The following KCNH1 variants were observed in gnomAD, a reference collection of about 807,000 sequenced individuals.
KCNH1 encodes the protein voltage-gated delayed rectifier potassium channel KCNH1.
In KCNH1, 27 loss-of-function variants were observed where a neutral mutation model predicts 69.2. The ratio of observed to expected loss-of-function variants is 0.39; its 90% CI spans 0.29 to 0.54. The LOEUF is 0.54. Ranked by LOEUF, KCNH1 falls within the 20% of genes least tolerant of loss-of-function variation. The pLI, the probability that KCNH1 is intolerant of heterozygous loss-of-function variation, is 0.68. For missense variants in KCNH1, 798 were observed against 1,261.6 expected, an observed-to-expected ratio of 0.63 and a Z score of 5.57; for synonymous variants, 456 against 487.7, an observed-to-expected ratio of 0.93 and a Z score of 0.86.
chr1:210,755,985 G>A lies in KCNH1; in HGVS notation c.2112+19363C>T, dbSNP rs575015606. On this transcript the variant is annotated intron_variant, in intron 10 of 10. Coordinates refer to ENST00000271751, the MANE Select transcript of KCNH1 (RefSeq NM_172362.3). ...TTCTGCTGCAAAAATGCTTGAAATC[G>A]TGACTTTACGAAAGGAGAGGTTGCC... Among the ~76,000 whole-genome samples the A allele has an allele frequency of 1.8e-4, 27 of 152,236 alleles. No individual in the cohort carries two copies. In the South Asian group the frequency reaches 2.9e-3, roughly 16 times the overall value.
chr1:210,784,068 C>G (rs1684045319), intron 9 of KCNH1, among the ~76,000 whole-genome samples: 1 of 152,154 alleles, frequency 6.6e-6, no homozygotes, highest in African/African-American at 2.4e-5. Flanking sequence ...ACTTTCCAGC[C>G]CAGCCCTGAC....
intron 6 of KCNH1, among the ~76,000 whole-genome samples, chr1:210,981,199 A>G (rs1688702550): frequency 6.6e-6 from 1 of 152,082 alleles, no homozygotes; most frequent in Non-Finnish European, 1.5e-5. Flanking sequence ...AGAGGGAAAA[A>G]GACACGGAGT....
At chr1:211,022,662 T>A (rs895467556) in intron 5 of KCNH1, among the ~76,000 whole-genome samples, 2 of 152,104 alleles carry the variant, frequency 1.3e-5, no homozygotes, top group Admixed American at 6.5e-5. Flanking sequence ...GAGGAAGTAA[T>A]CTGAATAGCT....
chr1:211,062,434 T>C (rs564448680), intron 5 of KCNH1, among the ~76,000 whole-genome samples: 2 of 152,188 alleles, frequency 1.3e-5, no homozygotes, highest in South Asian at 4.1e-4. Context: ...ACCACACAAG[T>C]ACAGGCAACC....
At chr1:210,935,979 G>T (rs181067208) in intron 6 of KCNH1, among the ~76,000 whole-genome samples, 48 of 152,250 alleles carry the variant, frequency 3.2e-4, no homozygotes, top group Admixed American at 1.3e-3. Context: ...GCTTTACATT[G>T]TCTTCTCATC....
chr1:210,944,307 A>G (rs1687921218), intron 6 of KCNH1, among the ~76,000 whole-genome samples: 1 of 152,220 alleles, frequency 6.6e-6, no homozygotes, highest in Non-Finnish European at 1.5e-5. Flanking sequence ...TATGAACAGT[A>G]ATTTAAATCC....
At chr1:210,754,993 T>C (rs949480706) in intron 10 of KCNH1, among the ~76,000 whole-genome samples, 2 of 152,086 alleles carry the variant, frequency 1.3e-5, no homozygotes, top group Non-Finnish European at 2.9e-5. Flanking sequence ...TGCATGCACA[T>C]GTACAAGTGC....
At chr1:210,984,648 T>A (rs548820765) in intron 6 of KCNH1, among the ~76,000 whole-genome samples, 65 of 152,288 alleles carry the variant, frequency 4.3e-4, no homozygotes, top group Middle Eastern at 3.4e-3. Context: ...TGGCTAAGCA[T>A]GGATAAGCTT....
At chr1:210,922,403 A>AC (rs749008831) in intron 6 of KCNH1, among the ~76,000 whole-genome samples, 6,222 of 41,822 alleles carry the variant, frequency 0.15, 420 homozygotes, top group East Asian at 0.3. Context: ...AAAAAAAAAA[A>AC]AAAAAAAAAA....
At chr1:210,772,794 A>G (rs961848652) in intron 10 of KCNH1, among the ~76,000 whole-genome samples, 1 of 152,100 alleles carries the variant, frequency 6.6e-6, no homozygotes, top group African/African-American at 2.4e-5. Context: ...AAGACTTTTT[A>G]TACTGTGCCA....
intron 9 of KCNH1, among the ~76,000 whole-genome samples, chr1:210,794,219 G>A (rs1684262936): frequency 6.6e-6 from 1 of 152,224 alleles, no homozygotes; most frequent in African/African-American, 2.4e-5. Context: ...CCAGAGCTCA[G>A]GTTGATTCAA....
At chr1:210,690,116 T>C (rs1031391512) in intron 10 of KCNH1, among the ~76,000 whole-genome samples, 1 of 152,130 alleles carries the variant, frequency 6.6e-6, no homozygotes, top group Non-Finnish European at 1.5e-5. Context: ...GGTGAGTCTC[T>C]CCCTCAGCCT....
intron 6 of KCNH1, among the ~76,000 whole-genome samples, chr1:210,989,476 TAGCCAGCCACAA>T (rs1688902026): frequency 1.3e-5 from 2 of 152,234 alleles, no homozygotes; most frequent in South Asian, 2.1e-4. Flanking sequence ...GACATCTATG[TAGCCAGCCACAA>T]CAGTGCTGTC....
intron 6 of KCNH1, among the ~76,000 whole-genome samples, chr1:210,988,078 G>C (rs1343124721): frequency 6.6e-6 from 1 of 152,214 alleles, no homozygotes; most frequent in Non-Finnish European, 1.5e-5. Context: ...AGGACCCTCT[G>C]AGCCAGGTGC....
intron 2 of KCNH1, among the ~76,000 whole-genome samples, chr1:211,106,630 C>CAAAACAAAAA (rs1691353058): frequency 7.3e-6 from 1 of 137,690 alleles, no homozygotes; most frequent in Non-Finnish European, 1.5e-5. Context: ...ACTAAAAATA[C>CAAAACAAAAA]AAAAAAAAAA....
chr1:210,718,416 T>TGC (rs1682331879), intron 10 of KCNH1, among the ~76,000 whole-genome samples: 1 of 736 alleles, frequency 1.4e-3, no homozygotes. Context: ...TATATGTATA[T>TGC]ATATAAAATA....
At chr1:210,895,449 T>C (rs187906232) in intron 7 of KCNH1, among the ~76,000 whole-genome samples, 19 of 152,258 alleles carry the variant, frequency 1.2e-4, no homozygotes, top group African/African-American at 4.3e-4. Flanking sequence ...GTCCATTGGA[T>C]ATTTACAGAA....
At chr1:211,098,843 T>C (rs1344088406) in intron 3 of KCNH1, among the ~76,000 whole-genome samples, 1 of 152,208 alleles carries the variant, frequency 6.6e-6, no homozygotes, top group East Asian at 1.9e-4. Flanking sequence ...TTAAAAGTTA[T>C]ACTATTCAAT....
At chr1:210,909,361 T>C (rs186312453) in intron 7 of KCNH1, among the ~76,000 whole-genome samples, 39 of 152,352 alleles carry the variant, frequency 2.6e-4, no homozygotes, top group Admixed American at 9.1e-4. Context: ...CCTGGTGGAA[T>C]TGTGGAACCA....
Sources: gnomAD v4.1 joint callset for allele counts (sites outside exome capture counted in the v4.1 genomes callset) on GRCh38, gnomAD v4.1.1 for gene constraint, MANE v1.5 for transcripts, NCBI Gene and HGNC (gene_info 2026-07-23, HGNC 2026-07-21) for gene names.